The following MSI2 variants were observed in gnomAD, a reference collection of about 807,000 sequenced individuals.
MSI2 encodes the protein RNA-binding protein Musashi homolog 2.
MSI2 carries 17 observed loss-of-function variants against 45.6 expected under a neutral mutation model. The ratio of observed to expected loss-of-function variants is 0.37; its 90% CI spans 0.26 to 0.56. The LOEUF (loss-of-function observed/expected upper bound fraction) is 0.56. Among genes scored for constraint, MSI2 ranks in the 20% least tolerant of loss-of-function variants. MSI2 has a pLI of 0.77. For synonymous variants in MSI2, 156 were observed against 158.2 expected, an observed-to-expected ratio of 0.99 and a Z score of 0.11; for missense variants, 293 against 444.2, an observed-to-expected ratio of 0.66 and a Z score of 3.06.
chr17:57,361,863 C>G lies in MSI2; in HGVS notation c.313-39516C>G, dbSNP rs137995834. On this transcript the variant is annotated intron_variant, in intron 5 of 13. Transcript: ENST00000284073. ...ACGTTCTGAGCCCAAAATTGGAACA[C>G]ATGCCCTAAGGCCCTGTCCTGGATC... 1.9e-3 allele frequency among the ~76,000 whole-genome samples: 288 copies of G among 152,342 alleles called. 1 individual carries two copies. The highest frequency in any genetic ancestry group is 6.6e-3 in the African/African-American group (276 of 41,582).
chr17:57,506,247 G>A (rs572567756), intron 6 of MSI2, among the ~76,000 whole-genome samples: 1 of 152,312 alleles, frequency 6.6e-6, no homozygotes, highest in Admixed American at 6.5e-5. Flanking sequence ...GAAAGGCGTG[G>A]GCTCATCTTC....
intron 5 of MSI2, among the ~76,000 whole-genome samples, chr17:57,288,896 G>A (rs777794558): frequency 2.0e-5 from 3 of 152,128 alleles, no homozygotes; most frequent in East Asian, 1.9e-4. Flanking sequence ...CGGCATCCCC[G>A]GCCTCTACCC....
rs568558968 is a variant in MSI2, at chr17:57,286,672, A to G, written c.312+24480A>G. The stretch of plus-strand genomic sequence containing the variant: ...TTCCCGCCTAAAACCGAAGGCCCCA[A>G]GGTCGCTTGTCTGATGGAGAATGTA... On this transcript the variant is annotated intron_variant, in intron 5 of 13. Transcript: ENST00000284073. 1.3e-5 allele frequency among the ~76,000 whole-genome samples: 2 copies of G among 151,892 alleles called. 1 individual carries two copies. The highest frequency in any genetic ancestry group is 4.8e-5 in the African/African-American group (2 of 41,406).
chr17:57,496,660 G>A (rs2085986229), intron 6 of MSI2, among the ~76,000 whole-genome samples: 2 of 152,218 alleles, frequency 1.3e-5, no homozygotes, highest in South Asian at 4.1e-4. Context: ...AGTGTTGCGG[G>A]CAGCCCTTCC....
intron 12 of MSI2, among the ~76,000 whole-genome samples, chr17:57,676,429 A>T (rs1598518426): frequency 6.6e-6 from 1 of 152,272 alleles, no homozygotes; most frequent in East Asian, 1.9e-4. Context: ...ATCCAGAATA[A>T]TATTATTCAC....
intron 6 of MSI2, among the ~76,000 whole-genome samples, chr17:57,422,834 C>T (rs2084421409): frequency 6.6e-6 from 1 of 152,158 alleles, no homozygotes; most frequent in Middle Eastern, 3.2e-3. Flanking sequence ...GTAATTTTGG[C>T]AAGGTGTTAT....
chr17:57,640,528 T>C (rs561601185), intron 10 of MSI2, among the ~76,000 whole-genome samples: 188 of 152,344 alleles, frequency 1.2e-3, no homozygotes, highest in Middle Eastern at 3.4e-3. Flanking sequence ...CAGATAACCG[T>C]GCTGAGCGCC....
Position 57,548,960 on chromosome 17 carries a change from AG to A in MSI2, c.454+19237del, listed in dbSNP as rs894040665. Among the ~76,000 whole-genome samples, 26 of 133,418 alleles carry A rather than the reference AG, an allele frequency of 1.9e-4. No homozygotes were observed. The Admixed American group carries it at 2.0e-3, about 10-fold the overall frequency. 87.5% of individuals were successfully genotyped at this position (133,418 alleles called of 152,430 possible). A position where few individuals can be genotyped will look rare whatever the true frequency, so the allele number is the denominator to read the frequency against. On this transcript the variant is annotated intron_variant, in intron 7 of 13. Transcript: ENST00000284073. ...CACTGAAAAGATCTTTGGACTTTACAGTGGTTATTCTCACAAGCCCTGGACA... is the reference window on the plus strand; with the variant it reads ...CACTGAAAAGATCTTTGGACTTTACATGGTTATTCTCACAAGCCCTGGACA...
In MSI2 at chr17:57,664,712, C is replaced by G. The variant is rs376500249; in HGVS notation, c.791-10260C>G. 9.8e-4 allele frequency among the ~76,000 whole-genome samples: 149 copies of G among 152,252 alleles called. No homozygotes were observed. In the South Asian group the frequency reaches 0.03, roughly 31 times the overall value. On this transcript the variant is annotated intron_variant, in intron 11 of 13. Transcript: ENST00000284073. ...ACACATCTGTCCTCAGACTTCCATC[C>G]TTGGGTGTGGTTGATTAAATCTCTT...
intron 7 of MSI2, among the ~76,000 whole-genome samples, chr17:57,562,558 T>C (rs2087604806): frequency 6.6e-6 from 1 of 152,204 alleles, no homozygotes; most frequent in Non-Finnish European, 1.5e-5. Context: ...TCCAGCAGAA[T>C]GCACCCACTG....
At chr17:57,539,184 ATTTTTT>A in intron 7 of MSI2, among the ~76,000 whole-genome samples, 1 of 143,492 alleles carries the variant, frequency 7.0e-6, no homozygotes, top group East Asian at 2.0e-4. Flanking sequence ...TACTTTTTGA[ATTTTTT>A]TTTTTTTTTT....
chr17:57,577,733 T>C (rs1231291770), intron 7 of MSI2, among the ~76,000 whole-genome samples: 1 of 152,214 alleles, frequency 6.6e-6, no homozygotes, highest in Non-Finnish European at 1.5e-5. Flanking sequence ...AAAAAGGTTA[T>C]AACTTAAGCT....
intron 6 of MSI2, among the ~76,000 whole-genome samples, chr17:57,490,268 G>A (rs1378006632): frequency 6.6e-6 from 1 of 152,100 alleles, no homozygotes. Context: ...TTCCTTTTAG[G>A]CCCCACAGAG....
intron 7 of MSI2, among the ~76,000 whole-genome samples, chr17:57,533,351 C>G (rs1040262359): frequency 6.6e-6 from 1 of 152,182 alleles, no homozygotes; most frequent in Non-Finnish European, 1.5e-5. Context: ...TGGGTGGAGC[C>G]CTGGAGATGT....
chr17:57,459,772 T>C (rs1363872450), intron 6 of MSI2, among the ~76,000 whole-genome samples: 4 of 152,056 alleles, frequency 2.6e-5, no homozygotes, highest in South Asian at 2.1e-4. Flanking sequence ...GGCAGGAGGA[T>C]TGTTTGAGCC....
chr17:57,480,861 A>G (rs764246800), intron 6 of MSI2, among the ~76,000 whole-genome samples: 5 of 152,210 alleles, frequency 3.3e-5, no homozygotes, highest in Non-Finnish European at 7.3e-5. Context: ...ATTGACAAGA[A>G]GGTGACTTTA....
intron 6 of MSI2, among the ~76,000 whole-genome samples, chr17:57,509,050 G>A (rs1331065350): frequency 6.6e-6 from 1 of 152,206 alleles, no homozygotes; most frequent in East Asian, 1.9e-4. Context: ...GGGCAGCCCT[G>A]CCTCCATCTT....
At chr17:57,282,607 C>T (rs1909518699) in intron 5 of MSI2, among the ~76,000 whole-genome samples, 1 of 152,036 alleles carries the variant, frequency 6.6e-6, no homozygotes, top group Admixed American at 6.6e-5. Context: ...TGCTTCCTCT[C>T]CCTGTTCTGT....
intron 5 of MSI2, among the ~76,000 whole-genome samples, chr17:57,275,734 C>T (rs56077924): frequency 0.12 from 18,364 of 151,720 alleles, 1,228 homozygotes; most frequent in East Asian, 0.27. Context: ...GTGTAGAGGA[C>T]GGAAAGGGAA....
Sources: allele counts gnomAD v4.1 joint callset (sites outside exome capture counted in the v4.1 genomes callset), GRCh38; gene constraint gnomAD v4.1.1; transcripts MANE v1.5; gene names NCBI Gene and HGNC (gene_info 2026-07-23, HGNC 2026-07-21).